Variants in SPAG4 observed in about 807,000 individuals in gnomAD.
SPAG4 encodes sperm associated antigen 4.
A neutral mutation model predicts 53.9 loss-of-function variants in SPAG4; 54 were observed. That is an observed-to-expected ratio of 1.00 (90% CI 0.80 to 1.26). The LOEUF is 1.26. Ranked by LOEUF, SPAG4 falls within the 50% of genes most tolerant of loss-of-function variation. The pLI is 0.00. For synonymous variants in SPAG4, 246 were observed against 237.4 expected (o/e 1.04, Z -0.33); for missense variants, 548 against 568.6 (o/e 0.96, Z 0.37).
intron 5 of SPAG4, 113 bp downstream of exon 5, chr20:35,618,243 A>G: frequency 8.5e-7 from 1 of 1,174,208 alleles, no homozygotes. Flanking sequence ...CAGAGGCTAC[A>G]ATCCTTAAGA....
intron 1 of SPAG4, 108 bp from the exon 2 acceptor site, chr20:35,617,028 G>T: frequency 1.4e-6 from 1 of 722,832 alleles, no homozygotes; most frequent in Non-Finnish European, 2.4e-6. Context: ...GCCTGTGAGA[G>T]ACTTCCCAGC....
chr20:35,619,014 A>G lies in SPAG4; in HGVS notation c.793+16A>G. On this transcript the variant is annotated intron_variant, in intron 8 of 11. Coordinates refer to ENST00000374273, the MANE Select transcript of SPAG4 (RefSeq NM_003116.3). ...AGCTCTGTGGGTAAGACCCGGAGACACTGGAAGACAGAGACGCAGACAGGA... is the reference window on the plus strand; with the variant it reads ...AGCTCTGTGGGTAAGACCCGGAGACGCTGGAAGACAGAGACGCAGACAGGA... 1 of 1,608,314 alleles carries G rather than the reference A, an allele frequency of 6.2e-7. No homozygotes were observed. Among genetic ancestry groups the G allele is most frequent in the Middle Eastern group, 1.7e-4 (1 of 6,050 alleles).
At position 35,615,867 on chromosome 20, in the gene SPAG4, G is replaced by C; in HGVS notation, c.-137G>C. On this transcript the variant is annotated 5_prime_UTR_variant, in exon 1 of 12. Transcript: ENST00000374273. ...CCGGCCGGGACACAGCGGGAGGGCAGGTGCGGCCGCGGGGCCTGCCGACTT... is the reference window on the plus strand; with the variant it reads ...CCGGCCGGGACACAGCGGGAGGGCACGTGCGGCCGCGGGGCCTGCCGACTT... The C allele has an allele frequency of 1.3e-6, 1 of 752,014 alleles. No individual in the cohort carries two copies. The highest frequency in any genetic ancestry group is 1.9e-5 in the South Asian group (1 of 52,484). The allele number at this position is 752,014 out of a possible 1,614,324, so 46.6% of individuals were successfully genotyped here.
chr20:35,616,421 T>A (rs187529304), intron 1 of SPAG4, 114 bp downstream of exon 1: 467 of 1,395,880 alleles, frequency 3.3e-4, no homozygotes, highest in Non-Finnish European at 4.1e-4. Context: ...AGGTGGGTCC[T>A]GTAGGGTAAA....
At chr20:35,617,637 G>C (rs2031432710) in intron 3 of SPAG4, 51 bp downstream of exon 3, 1 of 1,598,914 alleles carries the variant, frequency 6.3e-7, no homozygotes, top group African/African-American at 1.3e-5. Context: ...GGAGGGGGTG[G>C]GGAGCAGGGC....
At chr20:35,618,761 G>A (rs1315357181) in intron 7 of SPAG4, 41 bp downstream of exon 7, 1 of 1,486,306 alleles carries the variant, frequency 6.7e-7, no homozygotes. Flanking sequence ...ATGGATCCCT[G>A]CTCCCAGGGT....
chr20:35,619,038 G>T, intron 8 of SPAG4, 40 bp downstream of exon 8: 1 of 1,574,636 alleles, frequency 6.4e-7, no homozygotes, highest in Non-Finnish European at 8.7e-7. Flanking sequence ...ACGCAGACAG[G>T]AAAGAGGCCA....
chr20:35,619,090 G>A, intron 8 of SPAG4, 92 bp downstream of exon 8: 1 of 1,443,762 alleles, frequency 6.9e-7, no homozygotes, highest in Admixed American at 1.8e-5. Flanking sequence ...ACCGGCCGAA[G>A]ACAGAGCCTC....
rs763152611 is a variant in SPAG4, at chr20:35,620,718, T to C, written c.1112T>C (p.Leu371Ser). Residue 371 changes from leucine (L) to serine (S), a missense_variant, in exon 11 of 12, where the codon TTG becomes TCG. Physicochemically the swap from Leu to Ser is moderately radical, Grantham distance 145. Coordinates refer to ENST00000374273, the MANE Select transcript of SPAG4 (RefSeq NM_003116.3). ...GTTTATGATGAAACTGAAGTTTCCT[T>C]GGGGAAATTCACCTTCGATGTTGAG... ...LQVYDETEVS[L>S]GKFTFDVEKS... is the part of the protein sequence containing the mutation. 8.3e-6 allele frequency: 13 copies of C among 1,568,406 alleles called. No homozygotes were observed. Among genetic ancestry groups the C allele is most frequent in the Non-Finnish European group, 1.1e-5 (13 of 1,151,728 alleles).
At position 35,618,998 on chromosome 20, in the gene SPAG4, G is replaced by A. The variant is rs1194926819; in HGVS notation, c.793G>A (p.Gly265Arg). ...RKPDYALSSV[G>R]ASIDLQKTSH... is the part of the protein sequence containing the mutation. ...GCCCGACTATGCTTTGAGCTCTGTG[G>A]GTAAGACCCGGAGACACTGGAAGAC... The change falls in exon 8 of 12, where the codon GGA becomes AGA. Residue 265 changes from glycine (G) to arginine (R), a missense_variant and splice_region_variant. By Grantham distance (125) the Gly-to-Arg change is moderately radical. Coordinates refer to ENST00000374273, the MANE Select transcript of SPAG4 (RefSeq NM_003116.3). 1.2e-6 allele frequency: 2 copies of A among 1,613,194 alleles called. No homozygotes were observed. Among genetic ancestry groups the A allele is most frequent in the East Asian group, 4.5e-5 (2 of 44,866 alleles).
chr20:35,617,935 G>A (rs1327319137), intron 4 of SPAG4, 95 bp downstream of exon 4: 1 of 1,415,730 alleles, frequency 7.1e-7, no homozygotes. Flanking sequence ...TGCAGCTCCT[G>A]GCATTCCCCT....
At position 35,620,985 on chromosome 20, in the gene SPAG4, CAG is replaced by C; in HGVS notation, c.1280_1281del (p.Glu427GlyfsTer?). On this transcript the variant is annotated frameshift_variant, in exon 12 of 12. Coordinates refer to ENST00000374273, the MANE Select transcript of SPAG4 (RefSeq NM_003116.3). LOFTEE classifies it high-confidence loss of function. ...GTCCGTGCCCACGGTGTGCGAACCT[CAG>C]AGGGGGCAGAGGGCAGTGCACAGGG... 6.2e-7 allele frequency: 1 copy of C among 1,614,214 alleles called. No individual in the cohort carries two copies. The highest frequency in any genetic ancestry group is 8.5e-7 in the Non-Finnish European group (1 of 1,180,032).
intron 9 of SPAG4, 36 bp downstream of exon 9, chr20:35,619,346 C>G: frequency 6.3e-7 from 1 of 1,576,340 alleles, no homozygotes; most frequent in Non-Finnish European, 8.7e-7. Context: ...GGACCCCGGG[C>G]GGGACGCTGG....
Position 35,615,848 on chromosome 20 carries a change from G to A in SPAG4, c.-156G>A, listed in dbSNP as rs561568237. ...TCCTCTGTGACGTCAGCAGCCGGCC[G>A]GGACACAGCGGGAGGGCAGGTGCGG... On this transcript the variant is annotated 5_prime_UTR_variant, in exon 1 of 12. Transcript: ENST00000374273. 264 of 635,486 alleles carry A rather than the reference G, an allele frequency of 4.2e-4. No individual in the cohort carries two copies. In the African/African-American group the frequency reaches 4.6e-3, roughly 11 times the overall value. The allele number at this position is 635,486 out of a possible 1,614,324, so 39.4% of individuals were successfully genotyped here.
In SPAG4 at chr20:35,616,119, C is replaced by G. The variant is rs1169961115; in HGVS notation, c.116C>G (p.Ser39Ter). 1.3e-6 allele frequency: 2 copies of G among 1,592,242 alleles called. No individual in the cohort carries two copies. Among genetic ancestry groups the G allele is most frequent in the Non-Finnish European group, 1.7e-6 (2 of 1,171,452 alleles). Reference protein sequence around the residue: ...ITSEDSKGLRSAEPGPGEPEG... With the variant: ...ITSEDSKGLR ...TCGGAGGACAGCAAAGGGCTCCGGTCAGCGGAGCCCGGGCCTGGGGAGCCC... is the reference window on the plus strand; with the variant it reads ...TCGGAGGACAGCAAAGGGCTCCGGTGAGCGGAGCCCGGGCCTGGGGAGCCC... Residue 39 changes from serine to a stop codon, truncating the protein, a stop_gained, in exon 1 of 12, where the codon TCA becomes TGA. Transcript: ENST00000374273. LOFTEE classifies it high-confidence loss of function.
At position 35,616,117 on chromosome 20, in the gene SPAG4, G is replaced by C; in HGVS notation, c.114G>C (p.Arg38=). The C allele has an allele frequency of 1.3e-6, 2 of 1,597,682 alleles. No homozygotes were observed. The highest frequency in any genetic ancestry group is 8.5e-7 in the Non-Finnish European group (1 of 1,173,588). The change falls in exon 1 of 12, where the codon CGG becomes CGC. Residue 38 remains arginine (R), a synonymous_variant. Coordinates refer to ENST00000374273, the MANE Select transcript of SPAG4 (RefSeq NM_003116.3). ...CCTCGGAGGACAGCAAAGGGCTCCGGTCAGCGGAGCCCGGGCCTGGGGAGC... is the reference window on the plus strand; with the variant it reads ...CCTCGGAGGACAGCAAAGGGCTCCGCTCAGCGGAGCCCGGGCCTGGGGAGC... The part of the protein sequence containing the change: ...SITSEDSKGL[R]SAEPGPGEPE...
At position 35,621,013 on chromosome 20, in the gene SPAG4, G is replaced by T. The variant is rs1415765231; in HGVS notation, c.1305G>T (p.Gly435=). 1 of 1,613,850 alleles carries T rather than the reference G, an allele frequency of 6.2e-7. No homozygotes were observed. The highest frequency in any genetic ancestry group is 1.7e-5 in the Admixed American group (1 of 60,004). ...AGGGGGCAGAGGGCAGTGCACAGGG[G>T]CCCCATTAAACATGCTGATTTTTGG... ...TSEGAEGSAQ[G]PH Residue 435 remains glycine, a synonymous_variant, in exon 12 of 12, where the codon GGG becomes GGT. Coordinates refer to ENST00000374273, the MANE Select transcript of SPAG4 (RefSeq NM_003116.3).
chr20:35,620,768 C>T lies in SPAG4; in HGVS notation c.1162C>T (p.Leu388=). Residue 388 remains leucine, a synonymous_variant, in exon 11 of 12, where the codon CTG becomes TTG. Transcript: ENST00000374273. ...GAAATCGGAGATTCAGACTTTCCAC[C>T]TGCAGGTGTGTTTGTCTCTAGGGTG... ...VEKSEIQTFH[L]QNDPPAAFPK... The T allele has an allele frequency of 6.2e-7, 1 of 1,613,958 alleles. No individual in the cohort carries two copies. The highest frequency in any genetic ancestry group is 1.1e-5 in the South Asian group (1 of 91,074).
Position 35,620,883 on chromosome 20 carries a change from C to A in SPAG4, c.1175C>A (p.Pro392His). The change falls in exon 12 of 12, where the codon CCC becomes CAC. Residue 392 changes from proline (P) to histidine (H), a missense_variant. Transcript: ENST00000374273. ...EIQTFHLQNDPPAAFPKVKIQ... is the reference protein window; with the variant it reads ...EIQTFHLQNDHPAAFPKVKIQ... ...ATCCATTTGTCTCCCCAGAATGACC[C>A]CCCAGCTGCCTTTCCCAAGGTGAAG... The A allele has an allele frequency of 3.7e-6, 6 of 1,614,112 alleles. No individual in the cohort carries two copies. The highest frequency in any genetic ancestry group is 5.1e-6 in the Non-Finnish European group (6 of 1,179,994).
Sources: allele counts gnomAD v4.1 joint callset, GRCh38; gene constraint gnomAD v4.1.1; transcripts MANE v1.5; gene names NCBI Gene and HGNC (gene_info 2026-07-23, HGNC 2026-07-21).